CDH13: variants seen among roughly 807,000 people sequenced by gnomAD.
CDH13 encodes the protein cadherin 13, also known as cadherin-13.
A neutral mutation model predicts 63.8 loss-of-function variants in CDH13; 24 were observed. The ratio of observed to expected loss-of-function variants is 0.38; its 90% CI spans 0.27 to 0.53. The LOEUF (loss-of-function observed/expected upper bound fraction) is 0.53. CDH13 is among the 20% of genes least tolerant of loss of function. The pLI is 0.85. For synonymous variants in CDH13, 503 were observed against 355.3 expected (o/e 1.42, Z -4.67); for missense variants, 1,049 against 903.1 (o/e 1.16, Z -2.07).
chr16:82,792,308 C>G (rs943687344), intron 1 of CDH13, among the ~76,000 whole-genome samples: 11 of 152,264 alleles, frequency 7.2e-5, no homozygotes, highest in African/African-American at 2.6e-4. Flanking sequence ...CACCCTTTCT[C>G]GCTTGCTTGG....
chr16:83,129,580 C>A (rs867250142), intron 4 of CDH13, among the ~76,000 whole-genome samples: 143 of 152,140 alleles, frequency 9.4e-4, no homozygotes, highest in African/African-American at 3.4e-3. Context: ...TACACCACCC[C>A]CAGGGGATGG....
At chr16:83,527,754 C>A (rs567179363) in intron 7 of CDH13, among the ~76,000 whole-genome samples, 1 of 152,158 alleles carries the variant, frequency 6.6e-6, no homozygotes, top group Non-Finnish European at 1.5e-5. Flanking sequence ...CCTATAAATG[C>A]CAGCACCTAT....
chr16:83,385,383 A>G (rs947009091), intron 6 of CDH13, among the ~76,000 whole-genome samples: 1 of 152,242 alleles, frequency 6.6e-6, no homozygotes, highest in Admixed American at 6.5e-5. Context: ...CTTCCAGATT[A>G]TAATTTCTTT....
intron 5 of CDH13, among the ~76,000 whole-genome samples, chr16:83,333,387 C>T (rs984739895): frequency 6.6e-6 from 1 of 152,060 alleles, no homozygotes; most frequent in Non-Finnish European, 1.5e-5. Flanking sequence ...TGACTGATTT[C>T]CTTACGGAGC....
In CDH13 at chr16:82,867,940, T is replaced by C. The variant is rs181170789; in HGVS notation, c.157+9467T>C. ...TGAGAACTTCCTAGATTCTTTTACT[T>C]TTGCTTTCATTTCTTGTGATTTTTA... On this transcript the variant is annotated intron_variant, in intron 2 of 13. Transcript: ENST00000567109. 6.2e-4 allele frequency among the ~76,000 whole-genome samples: 95 copies of C among 152,322 alleles called. 1 individual carries two copies. Among genetic ancestry groups the C allele is most frequent in the South Asian group, 1.4e-3 (7 of 4,830 alleles).
At chr16:83,678,143 T>C (rs546578326) in intron 9 of CDH13, 65 bp from the exon 10 acceptor site, 5 of 1,541,612 alleles carry the variant, frequency 3.2e-6, no homozygotes, top group South Asian at 1.2e-5. Flanking sequence ...TCAGAGGAAG[T>C]TGATGCAAAC....
chr16:83,337,621 A>ATT (rs66957563), intron 5 of CDH13, among the ~76,000 whole-genome samples: 932 of 52,184 alleles, frequency 0.018, 136 homozygotes, highest in East Asian at 0.042. Flanking sequence ...TGACAAGCGT[A>ATT]TTTTTTTTTT....
At chr16:83,083,521 T>G (rs974361247) in intron 3 of CDH13, among the ~76,000 whole-genome samples, 2 of 152,212 alleles carry the variant, frequency 1.3e-5, no homozygotes, top group African/African-American at 4.8e-5. Context: ...ACATGCCCAG[T>G]ATCACAGAGC....
At chr16:83,429,016 T>C (rs1396456834) in intron 6 of CDH13, among the ~76,000 whole-genome samples, 1 of 152,244 alleles carries the variant, frequency 6.6e-6, no homozygotes, top group Non-Finnish European at 1.5e-5. Context: ...TAGGGGGAAG[T>C]ATCTTCTTTT....
intron 6 of CDH13, among the ~76,000 whole-genome samples, chr16:83,362,310 A>G (rs936294605): frequency 1.3e-5 from 2 of 152,210 alleles, no homozygotes; most frequent in African/African-American, 4.8e-5. Flanking sequence ...TGGCAATGTC[A>G]CAGCCGCGTG....
intron 5 of CDH13, among the ~76,000 whole-genome samples, chr16:83,253,270 C>A (rs564949533): frequency 1.3e-5 from 2 of 152,242 alleles, no homozygotes; most frequent in East Asian, 3.9e-4. Flanking sequence ...GGGTGGGACT[C>A]CCTCTCTGGT....
At chr16:82,892,814 C>T (rs2041126297) in intron 2 of CDH13, among the ~76,000 whole-genome samples, 2 of 151,940 alleles carry the variant, frequency 1.3e-5, no homozygotes, top group Admixed American at 6.6e-5. Context: ...AAATTTGCAT[C>T]TTGTAACCCT....
intron 4 of CDH13, among the ~76,000 whole-genome samples, chr16:83,142,179 T>TTTTG (rs1567871407): frequency 6.7e-6 from 1 of 148,338 alleles, no homozygotes; most frequent in African/African-American, 2.5e-5. Context: ...TTTTTTTTTT[T>TTTTG]GAAATGGAGT....
intron 5 of CDH13, among the ~76,000 whole-genome samples, chr16:83,301,252 C>T (rs566370411): frequency 6.6e-6 from 1 of 151,800 alleles, no homozygotes; most frequent in Admixed American, 6.6e-5. Flanking sequence ...AAGATGGTCT[C>T]GATCTCCTGA....
chr16:83,749,526 T>G (rs951053111), intron 11 of CDH13, among the ~76,000 whole-genome samples: 4 of 152,188 alleles, frequency 2.6e-5, no homozygotes, highest in African/African-American at 9.7e-5. Flanking sequence ...AGGAATCTAT[T>G]TGGATGTATG....
chr16:83,731,259 G>C (rs1050968215), intron 10 of CDH13, among the ~76,000 whole-genome samples: 1 of 152,202 alleles, frequency 6.6e-6, no homozygotes, highest in African/African-American at 2.4e-5. Flanking sequence ...GACAGGGGCT[G>C]AACTGATTTA....
intron 1 of CDH13, among the ~76,000 whole-genome samples, chr16:82,630,826 G>T (rs542900869): frequency 6.6e-6 from 1 of 152,300 alleles, no homozygotes; most frequent in Admixed American, 6.5e-5. Flanking sequence ...CAGTGTTTCT[G>T]TGTGCGCGTC....
At chr16:82,909,620 A>T (rs2041764554) in intron 2 of CDH13, among the ~76,000 whole-genome samples, 1 of 152,138 alleles carries the variant, frequency 6.6e-6, no homozygotes, top group Non-Finnish European at 1.5e-5. Context: ...TTGTGGTGGC[A>T]GGCAAGAGAG....
intron 1 of CDH13, among the ~76,000 whole-genome samples, chr16:82,751,803 A>T (rs1314064977): frequency 6.6e-6 from 1 of 152,100 alleles, no homozygotes; most frequent in Non-Finnish European, 1.5e-5. Flanking sequence ...CTCTGGTTAC[A>T]TACAGCCTTT....
Sources: allele counts gnomAD v4.1 joint callset (sites outside exome capture counted in the v4.1 genomes callset), GRCh38; gene constraint gnomAD v4.1.1; transcripts MANE v1.5; gene names NCBI Gene and HGNC (gene_info 2026-07-23, HGNC 2026-07-21).